Variants in AGBL4 observed in about 807,000 individuals in gnomAD.
AGBL4 encodes cytosolic carboxypeptidase 6.
A neutral mutation model predicts 66.4 loss-of-function variants in AGBL4; 58 were observed. That is an observed-to-expected ratio of 0.87 (90% CI 0.71 to 1.09). The LOEUF (loss-of-function observed/expected upper bound fraction) is 1.09. Among genes scored for constraint, AGBL4 ranks in the 50% least tolerant of loss-of-function variants. AGBL4 has a pLI of 0.00. For synonymous variants in AGBL4, 234 were observed against 222.9 expected, an observed-to-expected ratio of 1.05 and a Z score of -0.44; for missense variants, 579 against 631.0, an observed-to-expected ratio of 0.92 and a Z score of 0.88.
chr1:49,675,763 C>A (rs991210596), intron 3 of AGBL4, among the ~76,000 whole-genome samples: 9 of 151,966 alleles, frequency 5.9e-5, no homozygotes, highest in African/African-American at 2.2e-4. Flanking sequence ...AAACTCTCCA[C>A]AGGGAGAAAG....
At chr1:49,919,822 T>A (rs1652007851) in intron 1 of AGBL4, among the ~76,000 whole-genome samples, 2 of 152,224 alleles carry the variant, frequency 1.3e-5, no homozygotes, top group South Asian at 4.1e-4. Context: ...GGCATCACGC[T>A]ACCTGACTTC....
At chr1:49,649,667 TCATC>T (rs758407679) in intron 3 of AGBL4, among the ~76,000 whole-genome samples, 12 of 152,132 alleles carry the variant, frequency 7.9e-5, no homozygotes, top group Non-Finnish European at 1.5e-4. Flanking sequence ...ATAAACTACT[TCATC>T]CAACAACAGA....
chr1:49,440,396 C>G (rs1160798642), intron 3 of AGBL4, among the ~76,000 whole-genome samples: 1 of 152,078 alleles, frequency 6.6e-6, no homozygotes, highest in Non-Finnish European at 1.5e-5. Context: ...GTATGGAGAA[C>G]ACTGATAGTC....
intron 2 of AGBL4, among the ~76,000 whole-genome samples, chr1:49,719,991 T>A (rs1039945792): frequency 6.6e-6 from 1 of 152,236 alleles, no homozygotes; most frequent in South Asian, 2.1e-4. Context: ...CTTTCCTTTA[T>A]AAATTACCCA....
chr1:48,631,989 C>A (rs909471104), intron 9 of AGBL4, among the ~76,000 whole-genome samples: 4 of 152,052 alleles, frequency 2.6e-5, no homozygotes, highest in African/African-American at 9.7e-5. Flanking sequence ...AGTCTATTTC[C>A]CCACTATATT....
chr1:49,958,674 T>C (rs1376564571), intron 1 of AGBL4, among the ~76,000 whole-genome samples: 1 of 124,874 alleles, frequency 8.0e-6, no homozygotes, highest in Non-Finnish European at 1.6e-5. Flanking sequence ...AAGTGGAACA[T>C]CACACACTAG....
intron 3 of AGBL4, among the ~76,000 whole-genome samples, chr1:49,371,573 A>T (rs1395018419): frequency 6.6e-6 from 1 of 152,068 alleles, no homozygotes; most frequent in Non-Finnish European, 1.5e-5. Context: ...CCTCCCTAAC[A>T]CTTTGCTTCT....
intron 1 of AGBL4, among the ~76,000 whole-genome samples, chr1:49,972,990 T>C (rs1658260647): frequency 6.6e-6 from 1 of 152,050 alleles, no homozygotes; most frequent in South Asian, 2.1e-4. Flanking sequence ...CCCAGAGAGG[T>C]TACTAACCTG....
intron 3 of AGBL4, among the ~76,000 whole-genome samples, chr1:49,567,249 C>T (rs569759662): frequency 9.2e-5 from 14 of 152,244 alleles, no homozygotes; most frequent in Non-Finnish European, 1.6e-4. Flanking sequence ...TTGCACTTTC[C>T]GGGTGAGGTG....
chr1:49,067,010 C>A (rs571973572), intron 4 of AGBL4, among the ~76,000 whole-genome samples: 1 of 152,310 alleles, frequency 6.6e-6, no homozygotes, highest in East Asian at 1.9e-4. Context: ...ATGAACAAAA[C>A]ACAGTCCCAC....
chr1:48,787,532 C>T (rs1460634072), intron 6 of AGBL4, among the ~76,000 whole-genome samples: 2 of 152,118 alleles, frequency 1.3e-5, no homozygotes, highest in African/African-American at 4.8e-5. Context: ...ATAAAAAAAT[C>T]CTTTCCCTCC....
chr1:49,938,578 T>C (rs1333245563), intron 1 of AGBL4, among the ~76,000 whole-genome samples: 3 of 152,142 alleles, frequency 2.0e-5, no homozygotes, highest in Admixed American at 2.0e-4. Flanking sequence ...TTGATGAACA[T>C]TGATGCAAAA....
chr1:49,871,152 C>T (rs1225115652), intron 1 of AGBL4, among the ~76,000 whole-genome samples: 1 of 151,996 alleles, frequency 6.6e-6, no homozygotes, highest in Non-Finnish European at 1.5e-5. Flanking sequence ...CTAAGCAATA[C>T]CAGCATCTGG....
intron 1 of AGBL4, among the ~76,000 whole-genome samples, chr1:49,883,019 C>T (rs1237043606): frequency 6.6e-6 from 1 of 152,128 alleles, no homozygotes; most frequent in Non-Finnish European, 1.5e-5. Context: ...AAAAATTTAA[C>T]ATGGCTTTAA....
intron 3 of AGBL4, among the ~76,000 whole-genome samples, chr1:49,680,597 A>T (rs916720784): frequency 4.6e-5 from 7 of 151,686 alleles, no homozygotes; most frequent in Non-Finnish European, 1.0e-4. Flanking sequence ...TATCTTTCAA[A>T]TTTTTTTCTC....
At chr1:49,196,035 G>A (rs1298775980) in intron 4 of AGBL4, among the ~76,000 whole-genome samples, 1 of 151,932 alleles carries the variant, frequency 6.6e-6, no homozygotes, top group Admixed American at 6.6e-5. Context: ...CTTCCTCTTT[G>A]CCTTCCACCA....
At chr1:49,523,453 G>A (rs1023190718) in intron 3 of AGBL4, among the ~76,000 whole-genome samples, 3 of 151,964 alleles carry the variant, frequency 2.0e-5, no homozygotes, top group African/African-American at 7.2e-5. Context: ...TATATATAGT[G>A]CTTTGTGTAG....
At chr1:49,459,045 T>C (rs1001151128) in intron 3 of AGBL4, among the ~76,000 whole-genome samples, 1 of 151,440 alleles carries the variant, frequency 6.6e-6, no homozygotes, top group Admixed American at 6.6e-5. Context: ...TCTTTCTTTC[T>C]CTTTCTTTCC....
At chr1:49,018,591 C>T (rs766809550) in intron 5 of AGBL4, among the ~76,000 whole-genome samples, 1 of 152,206 alleles carries the variant, frequency 6.6e-6, no homozygotes, top group Non-Finnish European at 1.5e-5. Flanking sequence ...ACACATTTGT[C>T]AGACATTTCT....
Sources: gnomAD v4.1 joint callset for allele counts (sites outside exome capture counted in the v4.1 genomes callset) on GRCh38, gnomAD v4.1.1 for gene constraint, MANE v1.5 for transcripts, NCBI Gene and HGNC (gene_info 2026-07-23, HGNC 2026-07-21) for gene names.